The following BCL2 variants were observed in gnomAD, a reference collection of about 807,000 sequenced individuals.
BCL2 encodes the protein BCL2 apoptosis regulator.
In BCL2, 1 loss-of-function variant was observed where a neutral mutation model predicts 14.2. That is an observed-to-expected ratio of 0.07 (90% CI 0.02 to 0.33). The LOEUF is 0.33. Among genes scored for constraint, BCL2 ranks in the 10% least tolerant of loss-of-function variants. BCL2 has a pLI of 0.99. For synonymous variants in BCL2, 151 were observed against 137.2 expected, an observed-to-expected ratio of 1.10 and a Z score of -0.70; for missense variants, 247 against 305.9, an observed-to-expected ratio of 0.81 and a Z score of 1.44.
chr18:63,286,951 G>A (rs371068839), intron 2 of BCL2, among the ~76,000 whole-genome samples: 15 of 152,194 alleles, frequency 9.9e-5, no homozygotes, highest in Middle Eastern at 3.4e-3. Context: ...CAGGTCTCCC[G>A]AGGCCACTAT....
intron 2 of BCL2, among the ~76,000 whole-genome samples, chr18:63,295,459 T>C (rs1253476562): frequency 6.6e-6 from 1 of 152,160 alleles, no homozygotes; most frequent in Non-Finnish European, 1.5e-5. Context: ...TATACCATCA[T>C]TGATAGCTTA....
At chr18:63,142,164 G>A (rs1914383642) in intron 2 of BCL2, among the ~76,000 whole-genome samples, 1 of 152,190 alleles carries the variant, frequency 6.6e-6, no homozygotes, top group African/African-American at 2.4e-5. Flanking sequence ...GTGGTGTGGG[G>A]AGTACAAAGA....
chr18:63,316,326 AT>A (rs1292600151), intron 2 of BCL2: 1 of 152,226 alleles, frequency 6.6e-6, no homozygotes, highest in Non-Finnish European at 1.5e-5. Flanking sequence ...TAGAAAGAAA[AT>A]TTGTAAGTGT....
At chr18:63,303,746 T>C (rs1253835670) in intron 2 of BCL2, among the ~76,000 whole-genome samples, 1 of 152,166 alleles carries the variant, frequency 6.6e-6, no homozygotes. Flanking sequence ...CTGGCACATA[T>C]TGGGGTTCAA....
chr18:63,234,284 C>T (rs368090135), intron 2 of BCL2, among the ~76,000 whole-genome samples: 2 of 152,222 alleles, frequency 1.3e-5, no homozygotes, highest in Non-Finnish European at 1.5e-5. Context: ...TGTCTCCCTC[C>T]CTGCATCAAT....
At chr18:63,255,875 A>T (rs1235435074) in intron 2 of BCL2, among the ~76,000 whole-genome samples, 1 of 152,064 alleles carries the variant, frequency 6.6e-6, no homozygotes, top group Non-Finnish European at 1.5e-5. Context: ...AAAAAAAAGT[A>T]AGAAATTAAT....
intron 2 of BCL2, among the ~76,000 whole-genome samples, chr18:63,288,763 GT>G (rs1243011738): frequency 6.6e-6 from 1 of 152,192 alleles, no homozygotes; most frequent in African/African-American, 2.4e-5. Flanking sequence ...TGGCAGCAAA[GT>G]TTAATCACAG....
chr18:63,142,657 AG>A (rs1914397031), intron 2 of BCL2, among the ~76,000 whole-genome samples: 1 of 152,192 alleles, frequency 6.6e-6, no homozygotes, highest in African/African-American at 2.4e-5. Flanking sequence ...CCCATGGGAG[AG>A]GCTTCTTATC....
intron 2 of BCL2, chr18:63,302,356 G>C: frequency 2.0e-6 from 2 of 985,086 alleles, no homozygotes; most frequent in Non-Finnish European, 2.4e-6. Context: ...ATAGTTGGTG[G>C]CTTGTTCAGT....
At chr18:63,179,513 T>C (rs2144639959) in intron 2 of BCL2, among the ~76,000 whole-genome samples, 1 of 152,180 alleles carries the variant, frequency 6.6e-6, no homozygotes, top group South Asian at 2.1e-4. Context: ...CTGGTGCTAT[T>C]TGTAAAGGTG....
intron 2 of BCL2, among the ~76,000 whole-genome samples, chr18:63,133,087 A>G (rs1209343753): frequency 6.6e-6 from 1 of 152,186 alleles, no homozygotes; most frequent in Non-Finnish European, 1.5e-5. Flanking sequence ...CAGAGGCCAC[A>G]GAGGATCTGA....
chr18:63,161,401 T>A lies in BCL2; in HGVS notation c.586-32642A>T, dbSNP rs56792201. The stretch of plus-strand genomic sequence containing the variant: ...CACTGATGCTTTCTTTTTGCTCAGA[T>A]GATCTTTCCATCTCGCTTGGGACAG... On this transcript the variant is annotated intron_variant, in intron 2 of 2. Coordinates refer to ENST00000333681, the MANE Select transcript of BCL2 (RefSeq NM_000633.3). 3.9e-3 allele frequency among the ~76,000 whole-genome samples: 601 copies of A among 152,356 alleles called. 16 individuals are homozygous for A. In the East Asian group the frequency reaches 0.043, roughly 11 times the overall value.
intron 2 of BCL2, among the ~76,000 whole-genome samples, chr18:63,305,581 C>T (rs990320200): frequency 7.9e-5 from 12 of 151,978 alleles, no homozygotes; most frequent in African/African-American, 2.9e-4. Flanking sequence ...ACTTTAAAAT[C>T]CTACGTAAAG....
At chr18:63,217,370 A>T (rs1910234140) in intron 2 of BCL2, among the ~76,000 whole-genome samples, 2 of 152,184 alleles carry the variant, frequency 1.3e-5, no homozygotes, top group African/African-American at 4.8e-5. Flanking sequence ...AGTCAATGTG[A>T]CTTGGTTTCT....
chr18:63,172,933 G>C (rs1021087506), intron 2 of BCL2, among the ~76,000 whole-genome samples: 3 of 152,218 alleles, frequency 2.0e-5, no homozygotes, highest in Admixed American at 2.0e-4. Context: ...CTTTAGGTCA[G>C]CTTTGTCTTC....
chr18:63,199,246 AACAC>A (rs909880781), intron 2 of BCL2, among the ~76,000 whole-genome samples: 2 of 148,868 alleles, frequency 1.3e-5, no homozygotes, highest in African/African-American at 2.5e-5. Context: ...TGCACACAGA[AACAC>A]ACAGACAAAT....
intron 2 of BCL2, among the ~76,000 whole-genome samples, chr18:63,148,410 C>G (rs964359297): frequency 1.3e-5 from 2 of 152,022 alleles, no homozygotes; most frequent in African/African-American, 4.8e-5. Context: ...ATAAAATGCC[C>G]AGATGAAAAT....
chr18:63,152,126 CCTT>C (rs1433858764), intron 2 of BCL2, among the ~76,000 whole-genome samples: 1 of 152,212 alleles, frequency 6.6e-6, no homozygotes, highest in South Asian at 2.1e-4. Context: ...CTGCAAAACA[CCTT>C]CTTGTTCTCA....
chr18:63,276,635 C>G (rs546889050), intron 2 of BCL2, among the ~76,000 whole-genome samples: 1 of 152,252 alleles, frequency 6.6e-6, no homozygotes. Context: ...TAGAACTTTA[C>G]TAACACGTAT....
Sources: allele counts gnomAD v4.1 joint callset (sites outside exome capture counted in the v4.1 genomes callset), GRCh38; gene constraint gnomAD v4.1.1; transcripts MANE v1.5; gene names NCBI Gene and HGNC (gene_info 2026-07-23, HGNC 2026-07-21).